Variants in CHST8 observed in about 807,000 individuals in gnomAD.
CHST8 encodes GALNAC-4-ST1.
CHST8 carries 10 observed loss-of-function variants against 15.0 expected under a neutral mutation model. The observed-to-expected ratio is 0.67, with a 90% CI of 0.41 to 1.13. The LOEUF is 1.13. Ranked by LOEUF, CHST8 falls within the 50% of genes most tolerant of loss-of-function variation. CHST8 has a pLI of 0.00. For synonymous variants in CHST8, 259 were observed against 256.6 expected (o/e 1.01, Z -0.09); for missense variants, 634 against 608.2 (o/e 1.04, Z -0.45).
chr19:33,725,596 C>T (rs779293773), intron 3 of CHST8, among the ~76,000 whole-genome samples: 4 of 152,144 alleles, frequency 2.6e-5, no homozygotes, highest in South Asian at 4.2e-4. Context: ...GCCCCAAATG[C>T]GACGCAAGCG....
intron 2 of CHST8, among the ~76,000 whole-genome samples, chr19:33,674,373 C>T (rs1356331878): frequency 6.6e-6 from 1 of 152,220 alleles, no homozygotes; most frequent in African/African-American, 2.4e-5. Flanking sequence ...CTGGGTCCCA[C>T]TCGTCTGTAC....
At chr19:33,742,139 TG>T (rs1276306581) in intron 3 of CHST8, among the ~76,000 whole-genome samples, 1 of 152,224 alleles carries the variant, frequency 6.6e-6, no homozygotes, top group East Asian at 1.9e-4. Flanking sequence ...CTGTGGGTCC[TG>T]TTGGGGAAAG....
chr19:33,650,106 A>G lies in CHST8; in HGVS notation c.-163-17661A>G, dbSNP rs564547302. Among the ~76,000 whole-genome samples the G allele has an allele frequency of 5.3e-5, 8 of 152,288 alleles. No homozygotes were observed. In the East Asian group the frequency reaches 9.6e-4, roughly 18 times the overall value. ...TCTTATGATCTCTGTGTTAATGTTC[A>G]TGCTGGTCAGTTGTTGTGTCTAAAC... is the stretch of plus-strand genomic sequence containing the variant. On this transcript the variant is annotated intron_variant, in intron 1 of 4. Transcript: ENST00000650847.
chr19:33,704,951 T>C (rs1358528031), intron 3 of CHST8, among the ~76,000 whole-genome samples: 13 of 151,802 alleles, frequency 8.6e-5, no homozygotes, highest in Admixed American at 8.5e-4. Context: ...CATACATTTA[T>C]GTGGATTCTC....
chr19:33,682,214 A>G (rs532682636), intron 2 of CHST8, among the ~76,000 whole-genome samples: 1 of 120,634 alleles, frequency 8.3e-6, no homozygotes, highest in African/African-American at 3.5e-5. Flanking sequence ...TTTTTTTGAG[A>G]CAGAGTCTCG....
intron 1 of CHST8, among the ~76,000 whole-genome samples, chr19:33,631,535 C>G (rs907161753): frequency 6.6e-6 from 1 of 152,172 alleles, no homozygotes; most frequent in South Asian, 2.1e-4. Flanking sequence ...AGTCATTTAG[C>G]GAGGATTACC....
chr19:33,641,794 C>T lies in CHST8; in HGVS notation c.-164+19498C>T, dbSNP rs553838046. Among the ~76,000 whole-genome samples, 18 of 152,124 alleles carry T rather than the reference C, an allele frequency of 1.2e-4. 1 individual carries two copies. Among genetic ancestry groups the T allele is most frequent in the East Asian group, 9.7e-4 (5 of 5,152 alleles). On this transcript the variant is annotated intron_variant, in intron 1 of 4. Transcript: ENST00000650847. ...GCTTTGGAAGGGGGCAGTGGGACTC[C>T]CGCTGTCATCGCAGAAAGGGATGAG... is the stretch of plus-strand genomic sequence containing the variant.
At chr19:33,674,080 C>A (rs1327524690) in intron 2 of CHST8, among the ~76,000 whole-genome samples, 1 of 152,162 alleles carries the variant, frequency 6.6e-6, no homozygotes, top group African/African-American at 2.4e-5. Context: ...GTCAGTAGGT[C>A]CCAGCTGTGC....
At chr19:33,727,399 G>A (rs1384851748) in intron 3 of CHST8, among the ~76,000 whole-genome samples, 1 of 152,136 alleles carries the variant, frequency 6.6e-6, no homozygotes, top group Non-Finnish European at 1.5e-5. Context: ...TGTGTAGAGT[G>A]TGTGCTCCCG....
chr19:33,633,925 A>G (rs904474871), intron 1 of CHST8, among the ~76,000 whole-genome samples: 1 of 151,558 alleles, frequency 6.6e-6, no homozygotes, highest in African/African-American at 2.4e-5. Flanking sequence ...CAGCCTCCCA[A>G]GTAACTGGGA....
At chr19:33,693,497 C>G (rs1973140465) in intron 3 of CHST8, among the ~76,000 whole-genome samples, 1 of 152,170 alleles carries the variant, frequency 6.6e-6, no homozygotes, top group African/African-American at 2.4e-5. Flanking sequence ...CATCCAATAT[C>G]CAGAAAAGGC....
intron 1 of CHST8, among the ~76,000 whole-genome samples, chr19:33,627,098 TGG>T (rs71181368): frequency 1.5e-5 from 1 of 68,762 alleles, no homozygotes; most frequent in African/African-American, 4.9e-5. Context: ...CCTCTTTTTT[TGG>T]GGGGGGGGCG....
chr19:33,704,025 G>A (rs1455146445), intron 3 of CHST8, among the ~76,000 whole-genome samples: 1 of 152,164 alleles, frequency 6.6e-6, no homozygotes. Flanking sequence ...GAAGTCGGGG[G>A]CTGCCTGTCA....
intron 3 of CHST8, among the ~76,000 whole-genome samples, chr19:33,740,104 T>G (rs1472842266): frequency 1.3e-5 from 2 of 152,158 alleles, no homozygotes; most frequent in South Asian, 2.1e-4. Flanking sequence ...TTCCTGGAAT[T>G]TGATGCAAAT....
In CHST8 at chr19:33,711,767, G is replaced by A. The variant is rs186780352; in HGVS notation, c.130+22376G>A. On this transcript the variant is annotated intron_variant, in intron 3 of 4. Coordinates refer to ENST00000650847, the MANE Select transcript of CHST8 (RefSeq NM_001127895.2). ...GTGCCTCAGCCTCCCGAGTACCTGG[G>A]ATTATAGGTGCACGCCACCACACCC... Among the ~76,000 whole-genome samples, 109 of 152,216 alleles carry A rather than the reference G, an allele frequency of 7.2e-4. No individual in the cohort carries two copies. The Middle Eastern group carries it at 0.01, about 14-fold the overall frequency.
intron 3 of CHST8, among the ~76,000 whole-genome samples, chr19:33,751,882 G>A (rs1033728719): frequency 4.6e-5 from 7 of 152,222 alleles, no homozygotes; most frequent in African/African-American, 1.7e-4. Context: ...TGCGGCACCA[G>A]CTCCCAAATG....
chr19:33,733,802 G>A lies in CHST8; in HGVS notation c.131-37611G>A, dbSNP rs922367474. Reference sequence around the variant, plus strand: ...CATAAGAGCTGGAACTTCCTACATAGGAGCCACTGCTAGCCTCTAGGAGCC... The same window carrying A: ...CATAAGAGCTGGAACTTCCTACATAAGAGCCACTGCTAGCCTCTAGGAGCC... On this transcript the variant is annotated intron_variant, in intron 3 of 4. Coordinates refer to ENST00000650847, the MANE Select transcript of CHST8 (RefSeq NM_001127895.2). Among the ~76,000 whole-genome samples, 6 of 152,238 alleles carry A rather than the reference G, an allele frequency of 3.9e-5. 1 individual carries two copies. The highest frequency in any genetic ancestry group is 1.4e-4 in the African/African-American group (6 of 41,546).
At chr19:33,746,862 G>A (rs1011130540) in intron 3 of CHST8, among the ~76,000 whole-genome samples, 1 of 151,590 alleles carries the variant, frequency 6.6e-6, no homozygotes, top group Non-Finnish European at 1.5e-5. Flanking sequence ...TCCATAAGAT[G>A]CTCTGGTCAT....
intron 1 of CHST8, among the ~76,000 whole-genome samples, chr19:33,664,665 C>T (rs1280263954): frequency 6.6e-6 from 1 of 151,928 alleles, no homozygotes; most frequent in African/African-American, 2.4e-5. Flanking sequence ...AATTATACTG[C>T]CATTTTTATG....
Sources: allele counts gnomAD v4.1 joint callset (sites outside exome capture counted in the v4.1 genomes callset), GRCh38; gene constraint gnomAD v4.1.1; transcripts MANE v1.5; gene names NCBI Gene and HGNC (gene_info 2026-07-23, HGNC 2026-07-21).